PRRC2C: variants seen among roughly 807,000 people sequenced by gnomAD.
The protein encoded by PRRC2C is proline rich coiled-coil 2C.
Under a neutral mutation model 317.2 loss-of-function variants are expected in PRRC2C, and 72 were observed. The ratio of observed to expected loss-of-function variants is 0.23; its 90% confidence interval spans 0.19 to 0.28. The LOEUF is 0.28. PRRC2C is among the 10% of genes least tolerant of loss of function. The pLI, the probability that PRRC2C is intolerant of heterozygous loss-of-function variation, is 1.00. For missense variants in PRRC2C, 3,074 were observed against 3,459.7 expected (o/e 0.89, Z 2.80); for synonymous variants, 1,296 against 1,205.9 (o/e 1.07, Z -1.55).
chr1:171,552,085 T>C (rs1680360278), intron 18 of PRRC2C, among the ~76,000 whole-genome samples: 1 of 152,228 alleles, frequency 6.6e-6, no homozygotes, highest in South Asian at 2.1e-4. Flanking sequence ...TGATTCTTTC[T>C]ATCCATGAGC....
rs116404787 is a variant in PRRC2C, at chr1:171,589,504, C to A, written c.8335C>A (p.His2779Asn). Residue 2779 changes from histidine to asparagine, a missense_variant, in exon 34 of 35, where the codon CAT becomes AAT. Physicochemically the swap from His to Asn is moderately conservative, Grantham distance 68. Coordinates refer to ENST00000647382, the MANE Select transcript of PRRC2C (RefSeq NM_001387844.1). ...TCCGCTGACCACAGGCCTCATGAGCCATGCTCGTTTGCCACATGTAGCCAG... is the reference window on the plus strand; with the variant it reads ...TCCGCTGACCACAGGCCTCATGAGCAATGCTCGTTTGCCACATGTAGCCAG... ...PPPLTTGLMSHARLPHVARGP... is the reference protein window; with the variant it reads ...PPPLTTGLMSNARLPHVARGP... 677 of 1,289,840 alleles carry A rather than the reference C, an allele frequency of 5.2e-4. 1 individual carries two copies. The African/African-American group carries it at 9.7e-3, about 19-fold the overall frequency. The allele number at this position is 1,289,840 out of a possible 1,614,324, so 79.9% of individuals were successfully genotyped here. A position where few individuals can be genotyped will look rare whatever the true frequency, so the allele number is the denominator to read the frequency against.
chr1:171,517,252 A>G (rs1672556602), intron 5 of PRRC2C, among the ~76,000 whole-genome samples: 1 of 152,184 alleles, frequency 6.6e-6, no homozygotes. Flanking sequence ...CCCTCAGGAA[A>G]CCTCAGGTGT....
Position 171,550,185 on chromosome 1 carries a change from A to G in PRRC2C, c.5072A>G (p.Gln1691Arg). 6.2e-7 allele frequency: 1 copy of G among 1,607,754 alleles called. No homozygotes were observed. The highest frequency in any genetic ancestry group is 8.5e-7 in the Non-Finnish European group (1 of 1,176,712). Residue 1691 changes from glutamine (Q) to arginine (R), a missense_variant, in exon 18 of 35, where the codon CAA (glutamine) becomes CGA (arginine). This residue lies in a region of PRRC2C where 640 missense variants were observed against 676.1 expected (regional missense o/e 0.95). Transcript: ENST00000647382. ...DGFTEVVSKK[Q>R]QKRLQDEERR... Reference sequence around the variant, plus strand: ...TTTACTGAAGTGGTATCCAAAAAACAACAAAAACGTTTACAGGATGAAGAA... The same window carrying G: ...TTTACTGAAGTGGTATCCAAAAAACGACAAAAACGTTTACAGGATGAAGAA...
chr1:171,528,214 C>G (rs1424457644), intron 11 of PRRC2C, among the ~76,000 whole-genome samples: 1 of 151,922 alleles, frequency 6.6e-6, no homozygotes, highest in Non-Finnish European at 1.5e-5. Flanking sequence ...AAACCTCTCT[C>G]TTTACATTAC....
intron 11 of PRRC2C, among the ~76,000 whole-genome samples, chr1:171,528,998 T>TTGC (rs1294842111): frequency 6.6e-6 from 1 of 152,088 alleles, no homozygotes; most frequent in African/African-American, 2.4e-5. Context: ...GGTCTCACCT[T>TTGC]CATGCCCAGG....
chr1:171,552,828 G>A (rs1350386079), intron 18 of PRRC2C, among the ~76,000 whole-genome samples: 2 of 152,170 alleles, frequency 1.3e-5, no homozygotes, highest in East Asian at 3.8e-4. Flanking sequence ...TGATCTTGGT[G>A]GATAAGCTTT....
chr1:171,518,810 T>G (rs1672976554), intron 6 of PRRC2C, among the ~76,000 whole-genome samples: 1 of 151,626 alleles, frequency 6.6e-6, no homozygotes, highest in African/African-American at 2.4e-5. Context: ...GCCTTTAAAC[T>G]TTTTTTAATG....
At chr1:171,546,035 T>C (rs1679065655) in intron 17 of PRRC2C, among the ~76,000 whole-genome samples, 1 of 150,844 alleles carries the variant, frequency 6.6e-6, no homozygotes, top group Non-Finnish European at 1.5e-5. Context: ...TATATTGGTA[T>C]AGATGTATTA....
intron 18 of PRRC2C, among the ~76,000 whole-genome samples, chr1:171,551,945 G>T (rs1006390296): frequency 6.6e-6 from 1 of 152,134 alleles, no homozygotes; most frequent in Non-Finnish European, 1.5e-5. Flanking sequence ...GGCAATGCGG[G>T]CTCTTTTTTG....
chr1:171,559,045 A>C (rs192511164), intron 19 of PRRC2C, among the ~76,000 whole-genome samples: 1 of 152,160 alleles, frequency 6.6e-6, no homozygotes, highest in Non-Finnish European at 1.5e-5. Flanking sequence ...TCTCTATTCA[A>C]TTCTGTGATG....
intron 22 of PRRC2C, among the ~76,000 whole-genome samples, chr1:171,567,190 C>A (rs1055587812): frequency 6.6e-6 from 1 of 152,092 alleles, no homozygotes; most frequent in African/African-American, 2.4e-5. Flanking sequence ...TGGTGACATT[C>A]TAAAGTCAGG....
intron 16 of PRRC2C, among the ~76,000 whole-genome samples, chr1:171,544,229 T>G (rs941181310): frequency 6.6e-6 from 1 of 152,172 alleles, no homozygotes; most frequent in African/African-American, 2.4e-5. Flanking sequence ...GTTCAAGCAT[T>G]TCTCCTGGCT....
chr1:171,546,102 G>A (rs1047973068), intron 17 of PRRC2C, among the ~76,000 whole-genome samples: 1 of 152,126 alleles, frequency 6.6e-6, no homozygotes, highest in Non-Finnish European at 1.5e-5. Flanking sequence ...GGTAAAATTG[G>A]TGTCTAAGAT....
At chr1:171,587,839 T>C (rs887451695) in intron 32 of PRRC2C, 88 bp downstream of exon 32, 4 of 768,564 alleles carry the variant, frequency 5.2e-6, no homozygotes, top group Non-Finnish European at 8.3e-6. Flanking sequence ...CATAATCCCT[T>C]TTCCAAGCAG....
chr1:171,502,814 C>G (rs1669377293), intron 1 of PRRC2C, among the ~76,000 whole-genome samples: 1 of 152,162 alleles, frequency 6.6e-6, no homozygotes, highest in Admixed American at 6.5e-5. Flanking sequence ...ACCTCCACTT[C>G]CTGGGTTCAA....
intron 26 of PRRC2C, 62 bp from the exon 27 acceptor site, chr1:171,579,292 C>G: frequency 6.6e-7 from 1 of 1,521,442 alleles, no homozygotes; most frequent in South Asian, 1.3e-5. Context: ...TTTTTATTTA[C>G]TGTTTGGAAA....
chr1:171,512,789 A>G (rs1180222598), intron 2 of PRRC2C: 1 of 436,654 alleles, frequency 2.3e-6, no homozygotes, highest in African/African-American at 2.0e-5. Flanking sequence ...TTTTTAAGGA[A>G]TCTGTTAAAT....
chr1:171,575,183 A>G (rs1685488327), intron 25 of PRRC2C, 55 bp downstream of exon 25: 2 of 1,449,298 alleles, frequency 1.4e-6, no homozygotes, highest in Non-Finnish European at 1.9e-6. Context: ...AAAATTTTTT[A>G]TGATCTCTTC....
At chr1:171,571,010 G>T (rs1684691370) in intron 23 of PRRC2C, among the ~76,000 whole-genome samples, 1 of 152,092 alleles carries the variant, frequency 6.6e-6, no homozygotes, top group African/African-American at 2.4e-5. Context: ...GCATCCTCAG[G>T]TGATTTATGT....
Sources: allele counts gnomAD v4.1 joint callset (sites outside exome capture counted in the v4.1 genomes callset), GRCh38; gene constraint gnomAD v4.1.1; regional missense constraint gnomAD v4.1.1; transcripts MANE v1.5; gene names NCBI Gene and HGNC (gene_info 2026-07-23, HGNC 2026-07-21).